The following CFTR variants were observed in gnomAD, a reference collection of about 807,000 sequenced individuals.
CFTR encodes the protein cystic fibrosis transmembrane conductance regulator.
CFTR carries 181 observed loss-of-function variants against 171.6 expected under a neutral mutation model. The observed-to-expected ratio is 1.05, with a 90% confidence interval of 0.93 to 1.19. The LOEUF is 1.19. Among genes scored for constraint, CFTR ranks in the 50% most tolerant of loss-of-function variants. CFTR has a pLI of 0.00. For synonymous variants in CFTR, 583 were observed against 608.0 expected (o/e 0.96, Z 0.60); for missense variants, 1,968 against 1,734.7 (o/e 1.13, Z -2.39).
intron 11 of CFTR, among the ~76,000 whole-genome samples, chr7:117,581,174 C>T (rs1424194483): frequency 1.3e-5 from 2 of 152,104 alleles, no homozygotes; most frequent in African/African-American, 4.8e-5. Flanking sequence ...TCATGTCTAC[C>T]TTGACCTCAC....
chr7:117,552,265 T>C (rs976109448), intron 10 of CFTR, among the ~76,000 whole-genome samples: 1 of 152,048 alleles, frequency 6.6e-6, no homozygotes, highest in South Asian at 2.1e-4. Context: ...AAGTGCTGGG[T>C]TTATAGGCAT....
At chr7:117,483,242 C>A (rs1205510125) in intron 1 of CFTR, among the ~76,000 whole-genome samples, 2 of 152,124 alleles carry the variant, frequency 1.3e-5, no homozygotes, top group Admixed American at 6.5e-5. Context: ...TGCCTTTGAT[C>A]AAAATAATTT....
chr7:117,567,465 T>C (rs1285065359), intron 11 of CFTR, among the ~76,000 whole-genome samples: 2 of 152,202 alleles, frequency 1.3e-5, no homozygotes, highest in South Asian at 2.1e-4. Flanking sequence ...AAATGGCAGA[T>C]TGTATTCCCA....
chr7:117,526,230 A>G (rs1482209729), intron 3 of CFTR, among the ~76,000 whole-genome samples: 1 of 151,248 alleles, frequency 6.6e-6, no homozygotes, highest in Non-Finnish European at 1.5e-5. Flanking sequence ...GCTCAACTAC[A>G]TGGAAACTGA....
intron 14 of CFTR, among the ~76,000 whole-genome samples, chr7:117,594,310 C>A (rs1402463541): frequency 6.6e-6 from 1 of 152,158 alleles, no homozygotes; most frequent in South Asian, 2.1e-4. Context: ...AAACAAAACT[C>A]TTTTTCCTTT....
chr7:117,649,393 C>T (rs1169857736), intron 23 of CFTR, among the ~76,000 whole-genome samples: 1 of 148,066 alleles, frequency 6.8e-6, no homozygotes, highest in East Asian at 2.0e-4. Flanking sequence ...TATATATACA[C>T]ACATATATCT....
rs1184391603 is a variant in CFTR, at chr7:117,643,017, GT to G, written c.3873+430del. On this transcript the variant is annotated intron_variant, in intron 23 of 26. Coordinates refer to ENST00000003084, the MANE Select transcript of CFTR (RefSeq NM_000492.4). ...ATTGAAAATAGAAAGTGTAGTGATT[GT>G]TTTTTGTTATTTGGATGGGATGAAC... Among the ~76,000 whole-genome samples, 35 of 152,208 alleles carry G rather than the reference GT, an allele frequency of 2.3e-4. No individual in the cohort carries two copies. The East Asian group carries it at 6.2e-3, about 27-fold the overall frequency.
At chr7:117,507,848 G>A (rs949276470) in intron 2 of CFTR, among the ~76,000 whole-genome samples, 2 of 152,170 alleles carry the variant, frequency 1.3e-5, no homozygotes, top group African/African-American at 2.4e-5. Flanking sequence ...CTGGAGTGTA[G>A]TGGTGTGATC....
At chr7:117,545,460 T>C (rs965558928) in intron 9 of CFTR, among the ~76,000 whole-genome samples, 1 of 152,210 alleles carries the variant, frequency 6.6e-6, no homozygotes, top group African/African-American at 2.4e-5. Context: ...GGCTTCAGTT[T>C]CTTCCTTGAA....
intron 21 of CFTR, among the ~76,000 whole-genome samples, chr7:117,618,074 T>C (rs2116105062): frequency 6.6e-6 from 1 of 152,278 alleles, no homozygotes; most frequent in African/African-American, 2.4e-5. Flanking sequence ...TCCATGACAC[T>C]ACTCCCACTT....
At chr7:117,552,053 A>C (rs1054386909) in intron 10 of CFTR, among the ~76,000 whole-genome samples, 1 of 152,164 alleles carries the variant, frequency 6.6e-6, no homozygotes. Context: ...TGAAGTTAAA[A>C]ACATCATTGA....
chr7:117,501,478 G>T (rs1481895690), intron 1 of CFTR, among the ~76,000 whole-genome samples: 1 of 151,428 alleles, frequency 6.6e-6, no homozygotes, highest in Non-Finnish European at 1.5e-5. Flanking sequence ...GGGCGCACTG[G>T]CTCACGTCTG....
At chr7:117,537,091 GA>G (rs919474797) in intron 7 of CFTR, among the ~76,000 whole-genome samples, 2 of 152,092 alleles carry the variant, frequency 1.3e-5, no homozygotes, top group African/African-American at 2.4e-5. Context: ...TATTAAACAT[GA>G]AAAAAATTGT....
chr7:117,636,707 C>T (rs1562921698), intron 22 of CFTR, among the ~76,000 whole-genome samples: 1 of 151,992 alleles, frequency 6.6e-6, no homozygotes, highest in Non-Finnish European at 1.5e-5. Flanking sequence ...ATTTTTATTA[C>T]AGAATTTTTG....
At chr7:117,655,744 C>G (rs532850205) in intron 24 of CFTR, among the ~76,000 whole-genome samples, 1 of 152,258 alleles carries the variant, frequency 6.6e-6, no homozygotes, top group African/African-American at 2.4e-5. Flanking sequence ...TACACGATGT[C>G]TTATAAACAA....
intron 10 of CFTR, among the ~76,000 whole-genome samples, chr7:117,549,210 A>G (rs1236062470): frequency 6.6e-6 from 1 of 152,178 alleles, no homozygotes; most frequent in Non-Finnish European, 1.5e-5. Context: ...GTAACCACAT[A>G]AACAAAAGGT....
At chr7:117,627,209 G>T (rs1299900820) in intron 21 of CFTR, among the ~76,000 whole-genome samples, 1 of 152,018 alleles carries the variant, frequency 6.6e-6, no homozygotes, top group Non-Finnish European at 1.5e-5. Context: ...GTGCAGTGCT[G>T]CTCATAGTAG....
At chr7:117,663,397 T>C (rs978866861) in intron 24 of CFTR, among the ~76,000 whole-genome samples, 2 of 152,138 alleles carry the variant, frequency 1.3e-5, no homozygotes, top group African/African-American at 2.4e-5. Flanking sequence ...CTTCTCAAAC[T>C]TTAATGAATT....
At chr7:117,542,147 A>G (rs760915235) in intron 9 of CFTR, 39 bp downstream of exon 9, 3 of 942,804 alleles carry the variant, frequency 3.2e-6, no homozygotes, top group Non-Finnish European at 5.3e-6. Flanking sequence ...TAAACACCTA[A>G]CTGTTTTCTT....
Sources: gnomAD v4.1 joint callset for allele counts (sites outside exome capture counted in the v4.1 genomes callset) on GRCh38, gnomAD v4.1.1 for gene constraint, MANE v1.5 for transcripts, NCBI Gene and HGNC (gene_info 2026-07-23, HGNC 2026-07-21) for gene names.